Variants in CSMD1 observed in about 807,000 individuals in gnomAD.
The protein encoded by CSMD1 is CUB and Sushi multiple domains 1, also known as CUB and sushi domain-containing protein 1.
CSMD1 carries 213 observed loss-of-function variants against 417.5 expected under a neutral mutation model. The ratio of observed to expected loss-of-function variants is 0.51; its 90% CI spans 0.46 to 0.57. The LOEUF (loss-of-function observed/expected upper bound fraction) is 0.57. Among genes scored for constraint, CSMD1 ranks in the 20% least tolerant of loss-of-function variants. The pLI is 0.00. For synonymous variants in CSMD1, 2,862 were observed against 1,736.8 expected (o/e 1.65, Z -16.11); for missense variants, 6,923 against 4,529.7 (o/e 1.53, Z -15.17).
At chr8:3,615,029 T>C (rs1345111581) in intron 8 of CSMD1, among the ~76,000 whole-genome samples, 4 of 152,176 alleles carry the variant, frequency 2.6e-5, no homozygotes, top group East Asian at 1.9e-4. Context: ...TTTTATTTCG[T>C]TGCTTTGTTT....
At chr8:4,311,957 T>A (rs537828995) in intron 3 of CSMD1, among the ~76,000 whole-genome samples, 2 of 152,026 alleles carry the variant, frequency 1.3e-5, no homozygotes, top group South Asian at 4.1e-4. Context: ...TCCCTAAACC[T>A]GAAACTTAGA....
chr8:4,161,720 T>A (rs767029917), intron 3 of CSMD1, among the ~76,000 whole-genome samples: 1 of 152,302 alleles, frequency 6.6e-6, no homozygotes, highest in African/African-American at 2.4e-5. Context: ...AAGAAAACCA[T>A]TGCTGCCATC....
At chr8:3,115,111 G>C (rs1166285034) in intron 42 of CSMD1, among the ~76,000 whole-genome samples, 1 of 151,350 alleles carries the variant, frequency 6.6e-6, no homozygotes, top group African/African-American at 2.4e-5. Flanking sequence ...ATATTTGTAA[G>C]TGTGAATGCA....
chr8:4,788,600 T>C (rs1050427421), intron 1 of CSMD1: 43 of 1,118,744 alleles, frequency 3.8e-5, no homozygotes, highest in Admixed American at 4.8e-5. Context: ...AACAATGCCA[T>C]TGAAATTTTT....
At chr8:3,876,262 G>T (rs555781679) in intron 5 of CSMD1, among the ~76,000 whole-genome samples, 2 of 152,266 alleles carry the variant, frequency 1.3e-5, no homozygotes, top group South Asian at 4.1e-4. Flanking sequence ...ATGCATTCAC[G>T]TGTTGTTTTA....
intron 26 of CSMD1, among the ~76,000 whole-genome samples, chr8:3,254,172 T>C (rs919645044): frequency 2.0e-5 from 3 of 152,164 alleles, no homozygotes; most frequent in African/African-American, 7.2e-5. Flanking sequence ...GGGTTGAAAG[T>C]TCTTTTCTTT....
chr8:4,782,081 C>A (rs1797178609), intron 1 of CSMD1, among the ~76,000 whole-genome samples: 1 of 152,122 alleles, frequency 6.6e-6, no homozygotes, highest in Non-Finnish European at 1.5e-5. Context: ...GTAGCACAAG[C>A]AGCTAGGCTA....
intron 2 of CSMD1, among the ~76,000 whole-genome samples, chr8:4,585,535 G>A (rs896617545): frequency 2.0e-5 from 3 of 152,146 alleles, no homozygotes; most frequent in Non-Finnish European, 4.4e-5. Flanking sequence ...ATAATTTACT[G>A]TAACTGATTA....
intron 23 of CSMD1, among the ~76,000 whole-genome samples, chr8:3,309,805 C>T (rs991307838): frequency 6.6e-6 from 1 of 152,184 alleles, no homozygotes; most frequent in South Asian, 2.1e-4. Context: ...GTATTCTTAA[C>T]TTCACAATAT....
intron 2 of CSMD1, among the ~76,000 whole-genome samples, chr8:4,559,068 G>A (rs531896992): frequency 4.6e-5 from 7 of 152,216 alleles, no homozygotes; most frequent in African/African-American, 1.4e-4. Flanking sequence ...TATTTAAGCA[G>A]TTATGAACAG....
chr8:3,984,953 G>C (rs1174977927), intron 5 of CSMD1, among the ~76,000 whole-genome samples: 2 of 151,926 alleles, frequency 1.3e-5, no homozygotes, highest in East Asian at 1.9e-4. Flanking sequence ...TAACACTTTA[G>C]AATTTGGTGA....
chr8:3,206,831 G>C (rs1161674700), intron 30 of CSMD1, among the ~76,000 whole-genome samples: 1 of 152,100 alleles, frequency 6.6e-6, no homozygotes, highest in African/African-American at 2.4e-5. Context: ...AAAGCATCAT[G>C]GAAGAGACCT....
chr8:4,203,616 A>G (rs1293585118), intron 3 of CSMD1, among the ~76,000 whole-genome samples: 1 of 152,146 alleles, frequency 6.6e-6, no homozygotes, highest in African/African-American at 2.4e-5. Context: ...GGCACTCAAA[A>G]TATGTATGGC....
chr8:3,311,437 T>C (rs1584978295), intron 23 of CSMD1, among the ~76,000 whole-genome samples: 1 of 151,956 alleles, frequency 6.6e-6, no homozygotes. Flanking sequence ...TTTAGTAGAG[T>C]CAGGGTTTCA....
At position 2,936,487 on chromosome 8, in the gene CSMD1, G is replaced by C. The variant is rs1055015803; in HGVS notation, c.*2098C>G. 1 of 152,182 alleles carries C rather than the reference G, an allele frequency of 6.6e-6. No individual in the cohort carries two copies. Among genetic ancestry groups the C allele is most frequent in the East Asian group, 1.9e-4 (1 of 5,176 alleles). 9.4% of individuals were successfully genotyped at this position (152,182 alleles called of 1,614,324 possible). Reference sequence around the variant, plus strand: ...TCATCTTCTGTTTCGTTCAATGTGTGTGTTAGGAGCACGACTCCCGCTGAC... The same window carrying C: ...TCATCTTCTGTTTCGTTCAATGTGTCTGTTAGGAGCACGACTCCCGCTGAC... On this transcript the variant is annotated 3_prime_UTR_variant, in exon 70 of 70. Coordinates refer to ENST00000635120, the MANE Select transcript of CSMD1 (RefSeq NM_033225.6).
intron 1 of CSMD1, among the ~76,000 whole-genome samples, chr8:4,698,514 A>G (rs1177647458): frequency 6.6e-6 from 1 of 152,130 alleles, no homozygotes; most frequent in Admixed American, 6.6e-5. Context: ...GTTAGGCCTA[A>G]AGAAGTCCAC....
intron 5 of CSMD1, among the ~76,000 whole-genome samples, chr8:3,767,317 G>C (rs566810623): frequency 3.3e-5 from 5 of 152,216 alleles, no homozygotes; most frequent in Admixed American, 2.0e-4. Flanking sequence ...TTACGAACAC[G>C]GACAGTGGAG....
intron 12 of CSMD1, among the ~76,000 whole-genome samples, chr8:3,467,545 G>C (rs779490490): frequency 5.9e-5 from 9 of 152,084 alleles, no homozygotes; most frequent in Non-Finnish European, 8.8e-5. Context: ...TACATTTTTT[G>C]TCGTAGTATT....
chr8:4,362,489 C>A (rs924348678), intron 3 of CSMD1, among the ~76,000 whole-genome samples: 3 of 152,210 alleles, frequency 2.0e-5, no homozygotes, highest in African/African-American at 7.2e-5. Context: ...CTTCAGAGAA[C>A]TCTTCCTCAT....
Sources: allele counts gnomAD v4.1 joint callset (sites outside exome capture counted in the v4.1 genomes callset), GRCh38; gene constraint gnomAD v4.1.1; transcripts MANE v1.5; gene names NCBI Gene and HGNC (gene_info 2026-07-23, HGNC 2026-07-21).